TRIM64B: variants seen among roughly 807,000 people sequenced by gnomAD.
TRIM64B encodes tripartite motif containing 64B.
For missense variants in TRIM64B, 57 were observed against 536.4 expected, an observed-to-expected ratio of 0.11 and a Z score of 8.83; for synonymous variants, 17 against 190.3, an observed-to-expected ratio of 0.09 and a Z score of 7.50.
chr11:89,877,609 C>CTTT (rs1280189775), upstream of TRIM64B, among the ~76,000 whole-genome samples: 1 of 141,500 alleles, frequency 7.1e-6, no homozygotes, highest in African/African-American at 2.6e-5. Context: ...TTTTCTTTTT[C>CTTT]TTTTTTTTTT....
chr11:89,877,196 T>C (rs1251520483), upstream of TRIM64B, among the ~76,000 whole-genome samples: 1 of 103,068 alleles, frequency 9.7e-6, no homozygotes, highest in African/African-American at 3.5e-5. Flanking sequence ...CACAGTGGAC[T>C]GTCAACTCCT....
At chr11:89,875,946 A>G in exon 1 of TRIM64B, 1 of 1,541,688 alleles carries the variant, frequency 6.5e-7, no homozygotes. Context: ...TGGTGACCGG[A>G]TCTATGAAGT....
rs1458215949 is a variant in TRIM64B at position 89,871,885 on chromosome 11, C to A, written c.856+330G>T. On this transcript the variant is annotated intron_variant, in intron 5 of 5. Coordinates refer to ENST00000329862, the Ensembl canonical transcript of TRIM64B. ...TAAAAACCATTATGCCAAATCTAAG[C>A]CTTCAAAATTGAATTAAATTGAATA... Among the ~76,000 whole-genome samples, 14 of 40,344 alleles carry A rather than the reference C, an allele frequency of 3.5e-4. No individual in the cohort carries two copies. In the East Asian group the frequency reaches 7.0e-3, roughly 20 times the overall value. The allele number at this position is 40,344 out of a possible 152,430, so 26.5% of individuals were successfully genotyped here. A position where few individuals can be genotyped will look rare whatever the true frequency, so the allele number is the denominator to read the frequency against.
intron 1 of TRIM64B, among the ~76,000 whole-genome samples, chr11:89,875,396 C>T (rs551016170): frequency 2.8e-3 from 428 of 151,910 alleles, no homozygotes; most frequent in Admixed American, 8.7e-3. Flanking sequence ...AACAATGTTT[C>T]TAAGGAGACC....
chr11:89,873,077 T>A (rs1463265991), intron 4 of TRIM64B, among the ~76,000 whole-genome samples, 191 bp downstream of exon 5: 2 of 152,136 alleles, frequency 1.3e-5, no homozygotes, highest in African/African-American at 4.8e-5. Context: ...ATTGTTTTTA[T>A]GTATGTTTTA....
At chr11:89,875,380 C>A (rs867411150) in intron 1 of TRIM64B, among the ~76,000 whole-genome samples, 1 of 152,412 alleles carries the variant, frequency 6.6e-6, no homozygotes, top group East Asian at 1.9e-4. Context: ...CCATTCTACA[C>A]GTTTGAACAA....
At chr11:89,877,741 T>C (rs1215938791), upstream of TRIM64B, among the ~76,000 whole-genome samples, 2 of 149,406 alleles carry the variant, frequency 1.3e-5, no homozygotes, top group African/African-American at 4.8e-5. Flanking sequence ...TGCCGCAGCC[T>C]CCTGAGTAGC....
upstream of TRIM64B, among the ~76,000 whole-genome samples, chr11:89,876,390 T>C (rs1215213453): frequency 7.4e-5 from 11 of 148,546 alleles, no homozygotes; most frequent in African/African-American, 1.9e-4. Context: ...TAAATACTTG[T>C]AATGCCATAC....
chr11:89,877,931 A>G (rs1207652272), upstream of TRIM64B, among the ~76,000 whole-genome samples: 2 of 148,910 alleles, frequency 1.3e-5, no homozygotes, highest in Admixed American at 1.3e-4. Flanking sequence ...GATTAAATCT[A>G]TTTTCAACAG....
At chr11:89,872,579 C>G (rs1950122281) in intron 4 of TRIM64B, among the ~76,000 whole-genome samples, 1 of 151,808 alleles carries the variant, frequency 6.6e-6, no homozygotes, top group Non-Finnish European at 1.5e-5. Flanking sequence ...CTCCCTCTGC[C>G]CATCACACCC....
At chr11:89,876,362 T>C (rs1950163545), upstream of TRIM64B, among the ~76,000 whole-genome samples, 2 of 147,536 alleles carry the variant, frequency 1.4e-5, no homozygotes, top group South Asian at 4.3e-4. Flanking sequence ...GAATGCCTAA[T>C]ACAATGTAAA....
At chr11:89,877,675 A>C (rs1950173964), upstream of TRIM64B, among the ~76,000 whole-genome samples, 1 of 147,998 alleles carries the variant, frequency 6.8e-6, no homozygotes, top group South Asian at 2.1e-4. Context: ...GCTGGAGTGC[A>C]GTGGCACGAT....
rs1950160104 is a variant in TRIM64B, at chr11:89,875,973, GCAAATGAGCT to G, written c.35_44del (p.Glu12AlafsTer5). ...CTATGAAGTAGTTCACGCAAATGCA[GCAAATGAGCT>G]CATTCTGGAAGACTTGCAGGTCGTC... is the stretch of plus-strand genomic sequence containing the variant. On this transcript the variant is annotated frameshift_variant, in exon 1 of 6. Transcript: ENST00000329862. LOFTEE classifies it high-confidence loss of function. 6.5e-7 allele frequency: 1 copy of G among 1,533,610 alleles called. No homozygotes were observed. Among genetic ancestry groups the G allele is most frequent in the African/African-American group, 1.4e-5 (1 of 70,318 alleles).
At chr11:89,873,290 C>A (rs1950131519) in exon 4 of TRIM64B, 1 of 1,550,980 alleles carries the variant, frequency 6.4e-7, no homozygotes, top group South Asian at 1.2e-5. Context: ...TTTCTCACAT[C>A]CTGCAAAAAA....
chr11:89,878,203 C>T (rs1950177180), upstream of TRIM64B, among the ~76,000 whole-genome samples: 1 of 130,426 alleles, frequency 7.7e-6, no homozygotes, highest in Non-Finnish European at 1.6e-5. Flanking sequence ...AGCAAGGGAA[C>T]ACAAACCATA....
intron 5 of TRIM64B, among the ~76,000 whole-genome samples, chr11:89,871,490 A>G (rs1365668575): frequency 6.6e-6 from 1 of 152,074 alleles, no homozygotes; most frequent in Non-Finnish European, 1.5e-5. Flanking sequence ...GTGAGTATTT[A>G]TTGGAATGTA....
upstream of TRIM64B, among the ~76,000 whole-genome samples, chr11:89,877,938 A>G (rs1950175654): frequency 6.7e-6 from 1 of 148,716 alleles, no homozygotes; most frequent in African/African-American, 2.4e-5. Flanking sequence ...TCTATTTTCA[A>G]CAGCTTTCAG....
At chr11:89,875,669 A>G (rs1404527120) in exon 1 of TRIM64B, 1 of 1,527,972 alleles carries the variant, frequency 6.5e-7, no homozygotes, top group Non-Finnish European at 8.8e-7. Context: ...TGCTCTGGTG[A>G]CTCAGAGCAG....
At chr11:89,872,608 T>C (rs1461930574) in intron 4 of TRIM64B, among the ~76,000 whole-genome samples, 26 of 151,940 alleles carry the variant, frequency 1.7e-4, no homozygotes, top group Admixed American at 2.6e-4. Context: ...TATGCAGAAA[T>C]CCTGGAAATA....
Sources: gnomAD v4.1 joint callset for allele counts (sites outside exome capture counted in the v4.1 genomes callset) on GRCh38, gnomAD v4.1.1 for gene constraint, MANE v1.5 for transcripts, NCBI Gene and HGNC (gene_info 2026-07-23, HGNC 2026-07-21) for gene names.